Variants in OR52B2 observed in about 807,000 individuals in gnomAD.
The protein encoded by OR52B2 is olfactory receptor 52B2.
OR52B2 carries 16 observed loss-of-function variants against 12.8 expected under a neutral mutation model. The observed-to-expected ratio is 1.25, with a 90% CI of 0.85 to 1.90. The LOEUF is 1.90. Ranked by LOEUF, OR52B2 falls within the 40% of genes most tolerant of loss-of-function variation. The probability of loss-of-function intolerance (pLI) is 0.00; values close to 1 mark genes in which losing one functional copy is unlikely to be tolerated. For missense variants in OR52B2, 465 were observed against 407.8 expected (o/e 1.14, Z -1.21); for synonymous variants, 169 against 152.2 (o/e 1.11, Z -0.81).
rs201902095 is a variant in OR52B2, at chr11:6,169,405, G to A, written c.922C>T (p.Arg308Trp). Reference sequence around the variant, plus strand: ...CACCAAGTCTTGATGTCAAAGAACCGGTGGGCTACACCCTCACGTATCTGC... The same window carrying A: ...CACCAAGTCTTGATGTCAAAGAACCAGTGGGCTACACCCTCACGTATCTGC... Reference protein sequence around the residue: ...TKQIREGVAHRFFDIKTWCCT... With the variant: ...TKQIREGVAHWFFDIKTWCCT... The change falls in exon 1 of 1, where the codon CGG becomes TGG. Residue 308 changes from arginine (R) to tryptophan (W), a missense_variant. Transcript: ENST00000530810. 5.3e-3 allele frequency: 8,568 copies of A among 1,613,644 alleles called. 43 individuals carry two copies. The highest frequency in any genetic ancestry group is 5.5e-3 in the Non-Finnish European group (6,510 of 1,179,782).
In OR52B2 at chr11:6,170,185, T is replaced by C. The variant is rs1023177556; in HGVS notation, c.142A>G (p.Ile48Val). The C allele has an allele frequency of 1.2e-6, 2 of 1,613,674 alleles. No homozygotes were observed. Among genetic ancestry groups the C allele is most frequent in the Non-Finnish European group, 1.7e-6 (2 of 1,179,820 alleles). Residue 48 changes from isoleucine to valine, a missense_variant, in exon 1 of 1, where the codon ATA becomes GTA. Transcript: ENST00000530810. ...ITAVLGNSIL[I>V]VVIVMERNLH... ...TTACGTTCCATGACAATAACCACTA[T>C]CAGGATGCTGTTTCCCAGGACTGCA...
Position 6,170,066 on chromosome 11 carries a change from A to T in OR52B2, c.261T>A (p.Phe87Leu). 1.9e-6 allele frequency: 3 copies of T among 1,613,856 alleles called. No individual in the cohort carries two copies. Among genetic ancestry groups the T allele is most frequent in the Non-Finnish European group, 2.5e-6 (3 of 1,179,888 alleles). ...AAGCAATGTTATGTGCTTGAAGCCA[A>T]AAGATGGCTAGGGCCTTGGGCACAG... ...TTTVPKALAI[F>L]WLQAHNIAFD... is the part of the protein sequence containing the mutation. Residue 87 changes from phenylalanine to leucine, a missense_variant, in exon 1 of 1, where the codon TTT (phenylalanine) becomes TTA (leucine). Physicochemically the swap from Phe to Leu is conservative, Grantham distance 22 (BLOSUM62 0). Coordinates refer to ENST00000530810, the MANE Select transcript of OR52B2 (RefSeq NM_001004052.1).
At position 6,170,094 on chromosome 11, in the gene OR52B2, G is replaced by T. The variant is rs762288674; in HGVS notation, c.233C>A (p.Thr78Asn). ...LAVMDILLST[T>N]TVPKALAIFW... The stretch of plus-strand genomic sequence containing the variant: ...GATGGCTAGGGCCTTGGGCACAGTG[G>T]TGGTAGACAGCAGGATGTCCATGAC... The change falls in exon 1 of 1, where the codon ACC (threonine) becomes AAC (asparagine). Residue 78 changes from threonine (T) to asparagine (N), a missense_variant. Physicochemically the swap from Thr to Asn is moderately conservative, Grantham distance 65 (BLOSUM62 0). Transcript: ENST00000530810. 160 of 1,613,708 alleles carry T rather than the reference G, an allele frequency of 9.9e-5. No homozygotes were observed. Among genetic ancestry groups the T allele is most frequent in the Non-Finnish European group, 1.3e-4 (155 of 1,179,902 alleles).
chr11:6,169,820 G>C lies in OR52B2; in HGVS notation c.507C>G (p.Pro169=), dbSNP rs1407887389. 6.2e-7 allele frequency: 1 copy of C among 1,613,822 alleles called. No homozygotes were observed. The highest frequency in any genetic ancestry group is 1.1e-5 in the South Asian group (1 of 91,082). ...FPVIFLLKRL[P]FCLTNIVPHS... is the part of the protein sequence containing the mutation. ...GAGGAACAATGTTGGTTAGGCAGAAGGGCAGCCGCTTCAGCAAGAATATGA... is the reference window on the plus strand; with the variant it reads ...GAGGAACAATGTTGGTTAGGCAGAACGGCAGCCGCTTCAGCAAGAATATGA... The change falls in exon 1 of 1, where the codon CCC becomes CCG. Residue 169 remains proline, a synonymous_variant. Transcript: ENST00000530810.
Position 6,169,720 on chromosome 11 carries a change from A to T in OR52B2, c.607T>A (p.Ser203Thr), listed in dbSNP as rs771653904. Residue 203 changes from serine (S) to threonine (T), a missense_variant, in exon 1 of 1, where the codon TCA becomes ACA. Transcript: ENST00000530810. ...AAGATGACCATGACAATGGGCACTGAGAAGCCATACCAAATGTTAACAGTG... is the reference window on the plus strand; with the variant it reads ...AAGATGACCATGACAATGGGCACTGTGAAGCCATACCAAATGTTAACAGTG... ...DITVNIWYGF[S>T]VPIVMVILDV... The T allele has an allele frequency of 6.2e-7, 1 of 1,613,664 alleles. No homozygotes were observed. The highest frequency in any genetic ancestry group is 8.5e-7 in the Non-Finnish European group (1 of 1,179,878).
In OR52B2 at chr11:6,169,403, C is replaced by A. The variant is rs760125194; in HGVS notation, c.924G>T (p.Arg308=). The A allele has an allele frequency of 6.2e-7, 1 of 1,613,678 alleles. No individual in the cohort carries two copies. The highest frequency in any genetic ancestry group is 8.5e-7 in the Non-Finnish European group (1 of 1,179,818). ...TKQIREGVAH[R]FFDIKTWCCT... ...AGCACCAAGTCTTGATGTCAAAGAACCGGTGGGCTACACCCTCACGTATCT... is the reference window on the plus strand; with the variant it reads ...AGCACCAAGTCTTGATGTCAAAGAAACGGTGGGCTACACCCTCACGTATCT... The change falls in exon 1 of 1, where the codon CGG becomes CGT. Residue 308 remains arginine (R), a synonymous_variant. Transcript: ENST00000530810.
At position 6,170,120 on chromosome 11, in the gene OR52B2, G is replaced by T. The variant is rs370810835; in HGVS notation, c.207C>A (p.Ala69=). ...TGGTAGACAGCAGGATGTCCATGACGGCCAGCATTGAGAGGAAGAAATACA... is the reference window on the plus strand; with the variant it reads ...TGGTAGACAGCAGGATGTCCATGACTGCCAGCATTGAGAGGAAGAAATACA... ...VPMYFFLSML[A]VMDILLSTTT... The change falls in exon 1 of 1, where the codon GCC becomes GCA. Residue 69 remains alanine (A), a synonymous_variant. Coordinates refer to ENST00000530810, the MANE Select transcript of OR52B2 (RefSeq NM_001004052.1). 6.2e-7 allele frequency: 1 copy of T among 1,613,796 alleles called. No individual in the cohort carries two copies. Among genetic ancestry groups the T allele is most frequent in the Admixed American group, 1.7e-5 (1 of 59,996 alleles).
Position 6,169,762 on chromosome 11 carries a change from A to AAT in OR52B2, c.564_565insAT (p.Leu189IlefsTer2), listed in dbSNP as rs1564844359. 6.2e-7 allele frequency: 1 copy of AAT among 1,613,640 alleles called. No individual in the cohort carries two copies. The highest frequency in any genetic ancestry group is 8.5e-7 in the Non-Finnish European group (1 of 1,179,814). On this transcript the variant is annotated frameshift_variant, in exon 1 of 1. Coordinates refer to ENST00000530810, the MANE Select transcript of OR52B2 (RefSeq NM_001004052.1). LOFTEE classifies it high-confidence loss of function. ...TTAACAGTGATGTCAGCACAGGCTA[A>AAT]ACGAGCCACTCCAATATGCTCACAG...
chr11:6,170,269 G>T lies in OR52B2; in HGVS notation c.58C>A (p.Pro20Thr). Residue 20 changes from proline (P) to threonine (T), a missense_variant, in exon 1 of 1, where the codon CCT becomes ACT. Pro to Thr is a conservative substitution (Grantham distance 38). Coordinates refer to ENST00000530810, the MANE Select transcript of OR52B2 (RefSeq NM_001004052.1). ...CAAATGTGATAAGCCTCCAACCCAG[G>T]GATGCCAGGAAGGACAAAAACTGCA... The part of the protein sequence containing the change: ...HPAVFVLPGI[P>T]GLEAYHIWLS... 6.2e-7 allele frequency: 1 copy of T among 1,612,102 alleles called. No individual in the cohort carries two copies. The highest frequency in any genetic ancestry group is 8.5e-7 in the Non-Finnish European group (1 of 1,179,766).
rs1159373593 is a variant in OR52B2, at chr11:6,169,371, G to A, written c.956C>T (p.Ser319Phe). 1.2e-6 allele frequency: 2 copies of A among 1,612,640 alleles called. No individual in the cohort carries two copies. Among genetic ancestry groups the A allele is most frequent in the South Asian group, 1.1e-5 (1 of 91,056 alleles). Reference sequence around the variant, plus strand: ...CATGAAGATTCATGAGCCCAGAGGGGAGGTACAGCACCAAGTCTTGATGTC... The same window carrying A: ...CATGAAGATTCATGAGCCCAGAGGGAAGGTACAGCACCAAGTCTTGATGTC... ...FFDIKTWCCT[S>F]PLGS Residue 319 changes from serine (S) to phenylalanine (F), a missense_variant, in exon 1 of 1, where the codon TCC becomes TTC. Physicochemically the swap from Ser to Phe is radical, Grantham distance 155. Coordinates refer to ENST00000530810, the MANE Select transcript of OR52B2 (RefSeq NM_001004052.1).
chr11:6,169,602 G>T lies in OR52B2; in HGVS notation c.725C>A (p.Thr242Asn). The T allele has an allele frequency of 1.9e-6, 3 of 1,613,880 alleles. No homozygotes were observed. Among genetic ancestry groups the T allele is most frequent in the Non-Finnish European group, 2.5e-6 (3 of 1,179,892 alleles). ...GATGACACAGAGGTGGGAGCCACAA[G>T]TGCTGAGGGCCTTGTGCCGAGCATC... ...SQDARHKALS[T>N]CGSHLCVILM... is the part of the protein sequence containing the mutation. Residue 242 changes from threonine (T) to asparagine (N), a missense_variant, in exon 1 of 1, where the codon ACT becomes AAT. Coordinates refer to ENST00000530810, the MANE Select transcript of OR52B2 (RefSeq NM_001004052.1).
chr11:6,169,879 C>A lies in OR52B2; in HGVS notation c.448G>T (p.Val150Phe), dbSNP rs11040779. The A allele has an allele frequency of 6.2e-7, 1 of 1,613,712 alleles. No homozygotes were observed. The highest frequency in any genetic ancestry group is 8.5e-7 in the Non-Finnish European group (1 of 1,179,842). The change falls in exon 1 of 1, where the codon GTC becomes TTC. Residue 150 changes from valine (V) to phenylalanine (F), a missense_variant. Coordinates refer to ENST00000530810, the MANE Select transcript of OR52B2 (RefSeq NM_001004052.1). ...WPVVGRIALA[V>F]ITRSFCIIFP... ...ATGATGCAGAAGCTTCGGGTGATGA[C>A]GGCCAGAGCAATCCTCCCCACAACA...
rs1186149343 is a variant in OR52B2, at chr11:6,169,489, T to C, written c.838A>G (p.Asn280Asp). Residue 280 changes from asparagine (N) to aspartate (D), a missense_variant, in exon 1 of 1, where the codon AAT becomes GAT. Asn to Asp is a conservative substitution (Grantham distance 23). Coordinates refer to ENST00000530810, the MANE Select transcript of OR52B2 (RefSeq NM_001004052.1). ...ATTGGTGGCACTGCCACATAAAGAT[T>C]GGCCAGCAAGATATGGACATGTTGA... The part of the protein sequence containing the change: ...IPQHVHILLA[N>D]LYVAVPPMLN... 1.2e-6 allele frequency: 2 copies of C among 1,613,768 alleles called. No individual in the cohort carries two copies. Among genetic ancestry groups the C allele is most frequent in the Admixed American group, 3.3e-5 (2 of 59,986 alleles).
Position 6,169,571 on chromosome 11 carries a change from C to T in OR52B2, c.756G>A (p.Met252Ile). ...AGGTAAAGAAGGATGGAACATAAAACATAAGGATGACACAGAGGTGGGAGC... is the reference window on the plus strand; with the variant it reads ...AGGTAAAGAAGGATGGAACATAAAATATAAGGATGACACAGAGGTGGGAGC... Reference protein sequence around the residue: ...TCGSHLCVILMFYVPSFFTLL... With the variant: ...TCGSHLCVILIFYVPSFFTLL... Residue 252 changes from methionine (M) to isoleucine (I), a missense_variant, in exon 1 of 1, where the codon ATG (methionine) becomes ATA (isoleucine). Transcript: ENST00000530810. 2.5e-6 allele frequency: 4 copies of T among 1,613,838 alleles called. No homozygotes were observed. Among genetic ancestry groups the T allele is most frequent in the Non-Finnish European group, 3.4e-6 (4 of 1,179,870 alleles).
chr11:6,169,761 A>G lies in OR52B2; in HGVS notation c.566T>C (p.Leu189Ser). Reference sequence around the variant, plus strand: ...GTTAACAGTGATGTCAGCACAGGCTAAACGAGCCACTCCAATATGCTCACA... The same window carrying G: ...GTTAACAGTGATGTCAGCACAGGCTGAACGAGCCACTCCAATATGCTCACA... ...SYCEHIGVAR[L>S]ACADITVNIW... Residue 189 changes from leucine (L) to serine (S), a missense_variant, in exon 1 of 1, where the codon TTA (leucine) becomes TCA (serine). Transcript: ENST00000530810. 1 of 1,613,696 alleles carries G rather than the reference A, an allele frequency of 6.2e-7. No homozygotes were observed. Among genetic ancestry groups the G allele is most frequent in the Non-Finnish European group, 8.5e-7 (1 of 1,179,822 alleles).
In OR52B2 at chr11:6,169,595, G is replaced by C; in HGVS notation, c.732C>G (p.Gly244=). The C allele has an allele frequency of 6.2e-7, 1 of 1,613,878 alleles. No individual in the cohort carries two copies. The highest frequency in any genetic ancestry group is 2.2e-5 in the East Asian group (1 of 44,874). Residue 244 remains glycine, a synonymous_variant, in exon 1 of 1, where the codon GGC becomes GGG. Coordinates refer to ENST00000530810, the MANE Select transcript of OR52B2 (RefSeq NM_001004052.1). ...ACATAAGGATGACACAGAGGTGGGAGCCACAAGTGCTGAGGGCCTTGTGCC... is the reference window on the plus strand; with the variant it reads ...ACATAAGGATGACACAGAGGTGGGACCCACAAGTGCTGAGGGCCTTGTGCC... The part of the protein sequence containing the change: ...DARHKALSTC[G]SHLCVILMFY...
chr11:6,170,281 G>T lies in OR52B2; in HGVS notation c.46C>A (p.Leu16Ile). The T allele has an allele frequency of 6.2e-7, 1 of 1,611,046 alleles. No homozygotes were observed. Residue 16 changes from leucine to isoleucine, a missense_variant, in exon 1 of 1, where the codon CTT becomes ATT. Coordinates refer to ENST00000530810, the MANE Select transcript of OR52B2 (RefSeq NM_001004052.1). ...VTIFHPAVFV[L>I]PGIPGLEAYH... The stretch of plus-strand genomic sequence containing the variant: ...GCCTCCAACCCAGGGATGCCAGGAA[G>T]GACAAAAACTGCAGGATGGAAGATG...
rs1846649668 is a variant in OR52B2, at chr11:6,170,126, C to T, written c.201G>A (p.Met67Ile). The change falls in exon 1 of 1, where the codon ATG (methionine) becomes ATA (isoleucine). Residue 67 changes from methionine to isoleucine, a missense_variant. Physicochemically the swap from Met to Ile is conservative, Grantham distance 10. Transcript: ENST00000530810. ...LHVPMYFFLS[M>I]LAVMDILLST... Reference sequence around the variant, plus strand: ...ACAGCAGGATGTCCATGACGGCCAGCATTGAGAGGAAGAAATACATGGGCA... The same window carrying T: ...ACAGCAGGATGTCCATGACGGCCAGTATTGAGAGGAAGAAATACATGGGCA... 4.3e-6 allele frequency: 7 copies of T among 1,613,776 alleles called. No homozygotes were observed. Among genetic ancestry groups the T allele is most frequent in the Non-Finnish European group, 5.1e-6 (6 of 1,179,862 alleles).
chr11:6,170,167 C>A lies in OR52B2; in HGVS notation c.160G>T (p.Glu54Ter). Reference sequence around the variant, plus strand: ...TACATGGGCACATGAAGGTTACGTTCCATGACAATAACCACTATCAGGATG... The same window carrying A: ...TACATGGGCACATGAAGGTTACGTTACATGACAATAACCACTATCAGGATG... ...NSILIVVIVM[E>*]RNLHVPMYFF... Residue 54 changes from glutamate to a stop codon, truncating the protein, a stop_gained, in exon 1 of 1, where the codon GAA becomes TAA. Coordinates refer to ENST00000530810, the MANE Select transcript of OR52B2 (RefSeq NM_001004052.1). LOFTEE classifies it high-confidence loss of function. 6.2e-7 allele frequency: 1 copy of A among 1,613,740 alleles called. No homozygotes were observed. The highest frequency in any genetic ancestry group is 8.5e-7 in the Non-Finnish European group (1 of 1,179,834).
Sources: gnomAD v4.1 joint callset for allele counts on GRCh38, gnomAD v4.1.1 for gene constraint, MANE v1.5 for transcripts, NCBI Gene and HGNC (gene_info 2026-07-23, HGNC 2026-07-21) for gene names.